GCNT4: variants seen among roughly 807,000 people sequenced by gnomAD.
The protein encoded by GCNT4 is glucosaminyl (N-acetyl) transferase 4.
A neutral mutation model predicts 31.3 loss-of-function variants in GCNT4; 17 were observed. The ratio of observed to expected loss-of-function variants is 0.54; its 90% CI spans 0.37 to 0.81. GCNT4 has a LOEUF of 0.81. Among genes scored for constraint, GCNT4 ranks in the 40% least tolerant of loss-of-function variants. GCNT4 has a pLI of 0.00. For missense variants in GCNT4, 503 were observed against 525.5 expected (o/e 0.96, Z 0.42); for synonymous variants, 158 against 190.6 (o/e 0.83, Z 1.41).
In GCNT4 at chr5:75,026,647, C is replaced by CAAAAAAAAAAAAAAAAAAA. The variant is rs547466422; in HGVS notation, c.*2010_*2028dup. 1 of 65,802 alleles carries CAAAAAAAAAAAAAAAAAAA rather than the reference C, an allele frequency of 1.5e-5. No homozygotes were observed. The highest frequency in any genetic ancestry group is 5.2e-5 in the African/African-American group (1 of 19,176). The allele number at this position is 65,802 out of a possible 1,614,324, so 4.1% of individuals were successfully genotyped here. A position where few individuals can be genotyped will look rare whatever the true frequency, so the allele number is the denominator to read the frequency against. On this transcript the variant is annotated 3_prime_UTR_variant, in exon 4 of 4. Coordinates refer to ENST00000652361, the MANE Select transcript of GCNT4 (RefSeq NM_001366737.1). The stretch of plus-strand genomic sequence containing the variant: ...CATATACTATTTCAATCGATTCTCA[C>CAAAAAAAAAAAAAAAAAAA]AAAAAAAAAAAAAAAAAAAAAAAAA...
intron 3 of GCNT4, among the ~76,000 whole-genome samples, chr5:75,033,633 C>T (rs1743125619): frequency 6.6e-6 from 1 of 151,824 alleles, no homozygotes; most frequent in South Asian, 2.1e-4. Flanking sequence ...CCTTCACCTG[C>T]TTACCACGGC....
chr5:75,053,174 CT>C (rs1287808621), upstream of GCNT4, among the ~76,000 whole-genome samples: 1 of 151,688 alleles, frequency 6.6e-6, no homozygotes, highest in Non-Finnish European at 1.5e-5. Flanking sequence ...CAGGCGGCGG[CT>C]GCCGCGGGGA....
chr5:75,051,729 C>T (rs1011864249), intron 2 of GCNT4, among the ~76,000 whole-genome samples: 1 of 152,210 alleles, frequency 6.6e-6, no homozygotes, highest in African/African-American at 2.4e-5. Context: ...ATGCCATTCA[C>T]CCCACCTACC....
intron 3 of GCNT4, among the ~76,000 whole-genome samples, chr5:75,037,528 T>C (rs1172594780): frequency 6.6e-6 from 1 of 152,148 alleles, no homozygotes; most frequent in South Asian, 2.1e-4. Flanking sequence ...TAATAAGATA[T>C]GGTCTCTAAA....
intron 2 of GCNT4, among the ~76,000 whole-genome samples, chr5:75,050,501 C>A (rs181157000): frequency 6.6e-6 from 1 of 152,194 alleles, no homozygotes; most frequent in Non-Finnish European, 1.5e-5. Context: ...CCACCCCATC[C>A]ACCCCAGGAT....
chr5:75,033,653 C>CTTTA (rs1192887494), intron 3 of GCNT4, among the ~76,000 whole-genome samples: 80 of 149,900 alleles, frequency 5.3e-4, no homozygotes, highest in African/African-American at 1.6e-3. Flanking sequence ...CCAGAAATCC[C>CTTTA]TTTATTTATT....
intron 3 of GCNT4, among the ~76,000 whole-genome samples, chr5:75,039,380 C>T (rs1743270051): frequency 6.6e-6 from 1 of 152,222 alleles, no homozygotes; most frequent in South Asian, 2.1e-4. Flanking sequence ...AGGCGTGAGC[C>T]ACTGCACCCG....
intron 3 of GCNT4, among the ~76,000 whole-genome samples, chr5:75,039,997 CTCTG>C (rs1240810079): frequency 6.6e-6 from 1 of 152,100 alleles, no homozygotes; most frequent in African/African-American, 2.4e-5. Flanking sequence ...TCTTATTCTA[CTCTG>C]TCTTTCTCAT....
rs1742999720 is a variant in GCNT4, at chr5:75,028,753, C to T, written c.1285G>A (p.Glu429Lys). The change falls in exon 4 of 4, where the codon GAA becomes AAA. Residue 429 changes from glutamate (E) to lysine (K), a missense_variant. Transcript: ENST00000652361. Reference protein sequence around the residue: ...ILIKCLAEKLEEQQRDWITLP... With the variant: ...ILIKCLAEKLKEQQRDWITLP... ...GTGATCCAGTCTCTCTGCTGTTCTT[C>T]AAGCTTTTCTGCCAAGCATTTAATC... The T allele has an allele frequency of 6.2e-7, 1 of 1,614,018 alleles. No homozygotes were observed. The highest frequency in any genetic ancestry group is 8.5e-7 in the Non-Finnish European group (1 of 1,179,978).
At chr5:75,023,043 T>C (rs1190234802), downstream of GCNT4, among the ~76,000 whole-genome samples, 1 of 152,160 alleles carries the variant, frequency 6.6e-6, no homozygotes, top group Non-Finnish European at 1.5e-5. Flanking sequence ...TAACAGCTGG[T>C]CACATTGTTG....
In GCNT4 at chr5:75,028,232, A is replaced by G; in HGVS notation, c.*444T>C. On this transcript the variant is annotated 3_prime_UTR_variant, in exon 4 of 4. Coordinates refer to ENST00000652361, the MANE Select transcript of GCNT4 (RefSeq NM_001366737.1). Reference sequence around the variant, plus strand: ...TTAAGAGACAAGTGGAGTGTTGGTCACAGTACTTAAACACTACTCTGAAAT... The same window carrying G: ...TTAAGAGACAAGTGGAGTGTTGGTCGCAGTACTTAAACACTACTCTGAAAT... 3 of 157,220 alleles carry G rather than the reference A, an allele frequency of 1.9e-5. No homozygotes were observed. Among genetic ancestry groups the G allele is most frequent in the East Asian group, 1.9e-4 (1 of 5,290 alleles). 9.7% of individuals were successfully genotyped at this position (157,220 alleles called of 1,614,324 possible).
chr5:75,043,959 A>G (rs1184236961), intron 3 of GCNT4, among the ~76,000 whole-genome samples: 4 of 152,182 alleles, frequency 2.6e-5, no homozygotes, highest in Admixed American at 1.3e-4. Flanking sequence ...CTTTAGGTAA[A>G]TATCTGAAGG....
chr5:75,021,630 T>C (rs1742882182), downstream of GCNT4, among the ~76,000 whole-genome samples: 1 of 152,222 alleles, frequency 6.6e-6, no homozygotes, highest in South Asian at 2.1e-4. Context: ...AGTTAATTAT[T>C]TGTTTCCCCA....
chr5:75,040,869 A>G (rs1373224701), intron 3 of GCNT4, among the ~76,000 whole-genome samples: 1 of 152,218 alleles, frequency 6.6e-6, no homozygotes, highest in Admixed American at 6.5e-5. Context: ...AATTGTCCCT[A>G]AAGTTTCAGA....
the GCNT4 span, among the ~76,000 whole-genome samples, chr5:75,017,742 C>T: frequency 6.2e-4 from 94 of 152,242 alleles, no homozygotes; most frequent in African/African-American, 2.1e-3. Context: ...CCGCACCTTC[C>T]GCCCGCCAGG....
chr5:75,032,850 A>C (rs942233546), intron 3 of GCNT4, among the ~76,000 whole-genome samples: 5 of 148,468 alleles, frequency 3.4e-5, no homozygotes, highest in Admixed American at 2.0e-4. Flanking sequence ...GTACAGTAGA[A>C]GACTAATCAA....
In GCNT4 at chr5:75,026,572, A is replaced by T. The variant is rs544609284; in HGVS notation, c.*2104T>A. The T allele has an allele frequency of 6.9e-6, 1 of 144,916 alleles. No homozygotes were observed. Among genetic ancestry groups the T allele is most frequent in the African/African-American group, 2.6e-5 (1 of 38,638 alleles). The allele number at this position is 144,916 out of a possible 1,614,324, so 9.0% of individuals were successfully genotyped here. On this transcript the variant is annotated 3_prime_UTR_variant, in exon 4 of 4. Coordinates refer to ENST00000652361, the MANE Select transcript of GCNT4 (RefSeq NM_001366737.1). ...CTTTGCCTATACTACTACAGGTATCACTCTCTGACATTGAAATGTCAATAG... is the reference window on the plus strand; with the variant it reads ...CTTTGCCTATACTACTACAGGTATCTCTCTCTGACATTGAAATGTCAATAG...
chr5:75,033,673 A>ATTTT (rs772607869), intron 3 of GCNT4, among the ~76,000 whole-genome samples: 2 of 145,454 alleles, frequency 1.4e-5, no homozygotes, highest in Non-Finnish European at 1.5e-5. Context: ...TTATTTATTT[A>ATTTT]TTTTTTTTTT....
At chr5:75,041,919 T>C (rs1378911094) in intron 3 of GCNT4, among the ~76,000 whole-genome samples, 1 of 152,244 alleles carries the variant, frequency 6.6e-6, no homozygotes, top group Non-Finnish European at 1.5e-5. Context: ...TAATAGATTG[T>C]GACCCTCAAA....
Sources: allele counts gnomAD v4.1 joint callset (sites outside exome capture counted in the v4.1 genomes callset), GRCh38; gene constraint gnomAD v4.1.1; transcripts MANE v1.5; gene names NCBI Gene and HGNC (gene_info 2026-07-23, HGNC 2026-07-21).